SLCO3A1: variants seen among roughly 807,000 people sequenced by gnomAD.
SLCO3A1 encodes the protein PGE1 transporter.
A neutral mutation model predicts 63.1 loss-of-function variants in SLCO3A1; 27 were observed. The ratio of observed to expected loss-of-function variants is 0.43; its 90% CI spans 0.32 to 0.59. SLCO3A1 has a LOEUF of 0.59. Among genes scored for constraint, SLCO3A1 ranks in the 20% least tolerant of loss-of-function variants. The probability of loss-of-function intolerance (pLI) is 0.09; values close to 1 mark genes in which losing one functional copy is unlikely to be tolerated. For synonymous variants in SLCO3A1, 473 were observed against 409.9 expected (o/e 1.15, Z -1.86); for missense variants, 773 against 945.8 (o/e 0.82, Z 2.40).
intron 2 of SLCO3A1, among the ~76,000 whole-genome samples, chr15:92,044,378 G>C (rs868844629): frequency 2.4e-4 from 37 of 152,198 alleles, no homozygotes; most frequent in African/African-American, 8.2e-4. Context: ...GGCATATTCT[G>C]TCTGCTAGAT....
intron 3 of SLCO3A1, among the ~76,000 whole-genome samples, chr15:92,097,239 A>G (rs207971): frequency 0.71 from 108,577 of 152,102 alleles, 39,009 homozygotes; most frequent in Admixed American, 0.82. Flanking sequence ...TGAGGAAACC[A>G]AGTCACAGAG....
intron 2 of SLCO3A1, among the ~76,000 whole-genome samples, chr15:91,958,529 G>A (rs1424219640): frequency 6.6e-6 from 1 of 152,158 alleles, no homozygotes; most frequent in Non-Finnish European, 1.5e-5. Flanking sequence ...GCAGAATGGA[G>A]AGCATATGCC....
At position 91,950,910 on chromosome 15, in the gene SLCO3A1, GA is replaced by G. The variant is rs376861164; in HGVS notation, c.646+34464del. ...GCTTATATCCAATCTGAGAAAGAAA[GA>G]AAAAAAAAAAAGTATTTCTCTGGCT... On this transcript the variant is annotated intron_variant, in intron 2 of 9. Transcript: ENST00000318445. This position sits in a 1 kb window ranked among gnomAD's most constrained non-coding sequence, Gnocchi z 4.4. 0.068 allele frequency among the ~76,000 whole-genome samples: 9,778 copies of G among 143,728 alleles called. 377 individuals are homozygous for G. Among genetic ancestry groups the G allele is most frequent in the Non-Finnish European group, 0.09 (5,880 of 65,232 alleles). 94.3% of individuals were successfully genotyped at this position (143,728 alleles called of 152,430 possible).
At chr15:91,888,581 T>G (rs1897785778) in intron 1 of SLCO3A1, among the ~76,000 whole-genome samples, 1 of 152,214 alleles carries the variant, frequency 6.6e-6, no homozygotes, top group South Asian at 2.1e-4. Flanking sequence ...CAAAGTGGCT[T>G]AGTGATAGCA....
chr15:92,049,114 C>T (rs1018109142), intron 2 of SLCO3A1, among the ~76,000 whole-genome samples: 7 of 152,146 alleles, frequency 4.6e-5, no homozygotes, highest in African/African-American at 1.4e-4. Flanking sequence ...TGAGTGGTTA[C>T]AAGGAAAAGA....
intron 2 of SLCO3A1, among the ~76,000 whole-genome samples, chr15:92,065,070 T>TTTG (rs2047133482): frequency 6.6e-6 from 1 of 150,854 alleles, no homozygotes; most frequent in South Asian, 2.1e-4. Flanking sequence ...TACCCACGTT[T>TTTG]TTTGTTTGTT....
chr15:91,959,042 G>A (rs1304461542), intron 2 of SLCO3A1, among the ~76,000 whole-genome samples: 3 of 152,110 alleles, frequency 2.0e-5, no homozygotes, highest in Non-Finnish European at 2.9e-5. Context: ...ACCAAGGAGT[G>A]GATAAAGAAA....
intron 4 of SLCO3A1, among the ~76,000 whole-genome samples, chr15:92,108,762 T>A (rs965045387): frequency 6.6e-6 from 1 of 152,158 alleles, no homozygotes; most frequent in African/African-American, 2.4e-5. Context: ...TATTTCTCCC[T>A]GGAATGCCCT....
At chr15:91,936,788 C>A (rs759265888) in intron 2 of SLCO3A1, among the ~76,000 whole-genome samples, 3 of 152,102 alleles carry the variant, frequency 2.0e-5, no homozygotes, top group Non-Finnish European at 2.9e-5. Flanking sequence ...CTGTGCAGAC[C>A]CTCTGGGTGA....
chr15:92,042,232 T>A (rs1433466074), intron 2 of SLCO3A1, among the ~76,000 whole-genome samples: 1 of 152,172 alleles, frequency 6.6e-6, no homozygotes, highest in Non-Finnish European at 1.5e-5. Flanking sequence ...CATTTAACAT[T>A]CACACAGTGT....
At position 92,163,310 on chromosome 15, in the gene SLCO3A1, A is replaced by G; in HGVS notation, c.*175A>G. The G allele has an allele frequency of 7.9e-7, 1 of 1,273,570 alleles. No homozygotes were observed. Among genetic ancestry groups the G allele is most frequent in the Non-Finnish European group, 9.9e-7 (1 of 1,013,682 alleles). The allele number at this position is 1,273,570 out of a possible 1,614,324, so 78.9% of individuals were successfully genotyped here. ...CTTTTTCTCAGCATCAGAGCCAGAC[A>G]GGATTCAGAATAAGGAGAGAATGAC... On this transcript the variant is annotated 3_prime_UTR_variant, in exon 10 of 10. Coordinates refer to ENST00000318445, the MANE Select transcript of SLCO3A1 (RefSeq NM_013272.4).
chr15:91,889,843 C>T (rs551759368), intron 1 of SLCO3A1, among the ~76,000 whole-genome samples: 1 of 152,282 alleles, frequency 6.6e-6, no homozygotes, highest in East Asian at 1.9e-4. Context: ...TACCATTCGC[C>T]CTGAGCGATT....
At chr15:91,933,990 T>A (rs761603028) in intron 2 of SLCO3A1, among the ~76,000 whole-genome samples, 1 of 152,214 alleles carries the variant, frequency 6.6e-6, no homozygotes, top group Non-Finnish European at 1.5e-5. Flanking sequence ...TACTGGCTTT[T>A]CTTGCAGCTT....
chr15:91,979,272 T>A (rs1286512301), intron 2 of SLCO3A1, among the ~76,000 whole-genome samples: 10 of 152,240 alleles, frequency 6.6e-5, no homozygotes, highest in South Asian at 4.1e-4. Context: ...CAACATGAAG[T>A]TCTTTTGTTT....
intron 2 of SLCO3A1, among the ~76,000 whole-genome samples, chr15:92,004,475 G>A (rs940669313): frequency 6.6e-6 from 1 of 152,216 alleles, no homozygotes; most frequent in African/African-American, 2.4e-5. Context: ...GAGGGGAGTG[G>A]TTTTAGTAAT....
At chr15:91,985,607 T>C (rs564885527) in intron 2 of SLCO3A1, among the ~76,000 whole-genome samples, 1 of 152,326 alleles carries the variant, frequency 6.6e-6, no homozygotes, top group South Asian at 2.1e-4. Context: ...CACTTGGTAT[T>C]AGTGTCGTCT....
At chr15:91,931,596 A>G (rs898823053) in intron 2 of SLCO3A1, among the ~76,000 whole-genome samples, 2 of 151,424 alleles carry the variant, frequency 1.3e-5, no homozygotes, top group African/African-American at 4.9e-5. Flanking sequence ...TCAGACTCCC[A>G]AGTAGCTGGG....
At chr15:91,971,394 C>CA (rs796386299) in intron 2 of SLCO3A1, among the ~76,000 whole-genome samples, 3,301 of 39,376 alleles carry the variant, frequency 0.084, 738 homozygotes, top group African/African-American at 0.19. Flanking sequence ...GACTCCATCT[C>CA]AAAAAAAAAA....
At chr15:91,927,541 T>C (rs1300978223) in intron 2 of SLCO3A1, among the ~76,000 whole-genome samples, 1 of 152,138 alleles carries the variant, frequency 6.6e-6, no homozygotes, top group Non-Finnish European at 1.5e-5. Context: ...TGAGAAACCC[T>C]CTATTTTATA....
Sources: allele counts gnomAD v4.1 joint callset (sites outside exome capture counted in the v4.1 genomes callset), GRCh38; gene constraint gnomAD v4.1.1; non-coding constraint Gnocchi (gnomAD v3.1); transcripts MANE v1.5; gene names NCBI Gene and HGNC (gene_info 2026-07-23, HGNC 2026-07-21).